RBFOX1: variants seen among roughly 807,000 people sequenced by gnomAD.
RBFOX1 encodes RNA binding fox-1 homolog 1.
RBFOX1 carries 8 observed loss-of-function variants against 57.7 expected under a neutral mutation model. That is an observed-to-expected ratio of 0.14 (90% CI 0.08 to 0.25). RBFOX1 has a LOEUF of 0.25. Ranked by LOEUF, RBFOX1 falls within the 10% of genes least tolerant of loss-of-function variation. The pLI is 1.00. For missense variants in RBFOX1, 611 were observed against 548.5 expected (o/e 1.11, Z -1.14); for synonymous variants, 326 against 222.4 (o/e 1.47, Z -4.15).
intron 4 of RBFOX1, among the ~76,000 whole-genome samples, chr16:7,227,704 C>T (rs948891344): frequency 3.3e-5 from 5 of 152,236 alleles, no homozygotes; most frequent in African/African-American, 1.2e-4. Flanking sequence ...GTCATTTGGC[C>T]CGTCGCCCTG....
chr16:5,982,954 A>G (rs978540284), intron 4 of RBFOX1, among the ~76,000 whole-genome samples: 1 of 152,208 alleles, frequency 6.6e-6, no homozygotes. Context: ...TTATAGTCCC[A>G]GATGTACCAT....
intron 1 of RBFOX1, among the ~76,000 whole-genome samples, chr16:6,100,408 C>G (rs1386427144): frequency 6.6e-6 from 1 of 152,172 alleles, no homozygotes; most frequent in African/African-American, 2.4e-5. Flanking sequence ...GTGATCCGCC[C>G]GCCGCGGCCT....
chr16:5,292,478 G>A (rs1261052410), intron 1 of RBFOX1, among the ~76,000 whole-genome samples: 1 of 152,078 alleles, frequency 6.6e-6, no homozygotes, highest in Non-Finnish European at 1.5e-5. Context: ...GCTCCAGTCT[G>A]GGCTGTGATT....
At position 5,341,225 on chromosome 16, in the gene RBFOX1, T is replaced by A. The variant is rs112181149; in HGVS notation, c.219+101120T>A. Among the ~76,000 whole-genome samples the A allele has an allele frequency of 9.6e-3, 1,453 of 152,126 alleles. 29 individuals carry two copies. Among genetic ancestry groups the A allele is most frequent in the African/African-American group, 0.033 (1,388 of 41,494 alleles). ...TTGTGCAGGACATTTTAGCTCATGG[T>A]GAGAAGTTCAGATTTTGCTTTAAAC... On this transcript the variant is annotated intron_variant, in intron 1 of 2. Transcript: ENST00000585867.
intron 3 of RBFOX1, among the ~76,000 whole-genome samples, chr16:6,911,806 T>C (rs1336172002): frequency 2.0e-5 from 3 of 152,216 alleles, no homozygotes; most frequent in East Asian, 1.9e-4. Context: ...TTTTTTCTTC[T>C]TTTTCAGTAA....
intron 2 of RBFOX1, among the ~76,000 whole-genome samples, chr16:6,336,181 ATTTTTTTTTTTTTTTTTTTTTTT>A (rs1156246510): frequency 7.4e-5 from 2 of 27,012 alleles, no homozygotes; most frequent in African/African-American, 2.7e-4. Context: ...ATATATATAT[ATTTTTTTTTTTTTTTTTTTTTTT>A]TTTTTTTTTT....
chr16:7,643,112 C>G (rs1678683883), intron 11 of RBFOX1, among the ~76,000 whole-genome samples: 2 of 152,306 alleles, frequency 1.3e-5, no homozygotes, highest in Non-Finnish European at 2.9e-5. Context: ...TAAGCAGGAA[C>G]AGCACGCCAA....
intron 4 of RBFOX1, among the ~76,000 whole-genome samples, chr16:7,256,343 C>G (rs1182870536): frequency 6.6e-6 from 1 of 152,152 alleles, no homozygotes; most frequent in East Asian, 1.9e-4. Flanking sequence ...GCCACCATTC[C>G]TACCAGAAGT....
chr16:7,488,239 T>C lies in RBFOX1; in HGVS notation c.28-29908T>C, dbSNP rs546305712. On this transcript the variant is annotated intron_variant, in intron 4 of 15. Transcript: ENST00000550418. ...GCTTCAGCTCCCTCCACATACATGC[T>C]TAGCCTGGTGTTGTTCTGGCATGGT... Among the ~76,000 whole-genome samples the C allele has an allele frequency of 2.6e-5, 4 of 152,320 alleles. No individual in the cohort carries two copies. The East Asian group carries it at 7.7e-4, about 29-fold the overall frequency.
intron 3 of RBFOX1, among the ~76,000 whole-genome samples, chr16:5,642,233 A>T (rs949276940): frequency 6.6e-6 from 1 of 152,222 alleles, no homozygotes; most frequent in Non-Finnish European, 1.5e-5. Context: ...GCCAGGAGAG[A>T]TAAGAGAAGG....
Position 6,793,169 on chromosome 16 carries a change from C to T in RBFOX1, c.-16+138519C>T, listed in dbSNP as rs555740025. Among the ~76,000 whole-genome samples the T allele has an allele frequency of 2.0e-5, 3 of 152,188 alleles. No individual in the cohort carries two copies. The East Asian group carries it at 5.8e-4, about 29-fold the overall frequency. On this transcript the variant is annotated intron_variant, in intron 3 of 15. Coordinates refer to ENST00000550418, the MANE Select transcript of RBFOX1 (RefSeq NM_018723.4). The stretch of plus-strand genomic sequence containing the variant: ...TTTTTTAAGAACCCAGAAATTAAAA[C>T]AGATAATATGATCCTGTTGATCAAA...
chr16:5,267,416 G>T (rs535434496), intron 1 of RBFOX1, among the ~76,000 whole-genome samples: 3 of 151,764 alleles, frequency 2.0e-5, no homozygotes, highest in Admixed American at 2.0e-4. Context: ...TTGTGCCTCA[G>T]CCCCCTGAGC....
intron 3 of RBFOX1, among the ~76,000 whole-genome samples, chr16:5,642,021 C>T (rs1567336251): frequency 2.0e-5 from 3 of 152,178 alleles, no homozygotes. Context: ...ACCAAGGCTG[C>T]TGGTATCTGG....
intron 1 of RBFOX1, among the ~76,000 whole-genome samples, chr16:6,056,804 A>G (rs1425303586): frequency 6.6e-6 from 1 of 151,894 alleles, no homozygotes; most frequent in African/African-American, 2.4e-5. Context: ...TAAATATTTG[A>G]GACACTGGTT....
At chr16:6,832,204 G>A (rs927476307) in intron 3 of RBFOX1, among the ~76,000 whole-genome samples, 2 of 152,144 alleles carry the variant, frequency 1.3e-5, no homozygotes, top group Non-Finnish European at 2.9e-5. Flanking sequence ...TATGTGAGGA[G>A]CCCAAGTGAA....
chr16:5,311,585 A>G (rs2064090239), intron 1 of RBFOX1, among the ~76,000 whole-genome samples: 2 of 152,148 alleles, frequency 1.3e-5, no homozygotes, highest in African/African-American at 4.8e-5. Context: ...TTTTAATAAT[A>G]ATCATTCTTG....
intron 15 of RBFOX1, chr16:7,709,575 T>A: frequency 6.5e-7 from 1 of 1,528,978 alleles, no homozygotes; most frequent in African/African-American, 1.4e-5. Context: ...CAGCTGAGAA[T>A]CTGACTGCCT....
chr16:6,940,405 G>A (rs1036845349), intron 3 of RBFOX1, among the ~76,000 whole-genome samples: 3 of 152,130 alleles, frequency 2.0e-5, no homozygotes, highest in Non-Finnish European at 4.4e-5. Flanking sequence ...AACAATTCAG[G>A]AGCAGCTAAA....
At chr16:6,713,228 C>T (rs371973258) in intron 3 of RBFOX1, among the ~76,000 whole-genome samples, 1 of 151,470 alleles carries the variant, frequency 6.6e-6, no homozygotes, top group Non-Finnish European at 1.5e-5. Context: ...ATAATCTTTT[C>T]CTTCTCACAT....
Sources: allele counts gnomAD v4.1 joint callset (sites outside exome capture counted in the v4.1 genomes callset), GRCh38; gene constraint gnomAD v4.1.1; transcripts MANE v1.5; gene names NCBI Gene and HGNC (gene_info 2026-07-23, HGNC 2026-07-21).